Variants in TSPOAP1 observed in about 807,000 individuals in gnomAD.
The protein encoded by TSPOAP1 is TSPO associated protein 1, also known as peripheral-type benzodiazepine receptor-associated protein 1.
TSPOAP1 carries 87 observed loss-of-function variants against 197.0 expected under a neutral mutation model. The observed-to-expected ratio is 0.44, with a 90% CI of 0.37 to 0.53. TSPOAP1 has a LOEUF of 0.53. Among genes scored for constraint, TSPOAP1 ranks in the 20% least tolerant of loss-of-function variants. The pLI is 0.00. For synonymous variants in TSPOAP1, 913 were observed against 998.9 expected (o/e 0.91, Z 1.62); for missense variants, 2,174 against 2,411.3 (o/e 0.90, Z 2.06).
rs114867184 is a variant in TSPOAP1, at chr17:58,311,725, G to A, written c.2930-3C>T. The stretch of plus-strand genomic sequence containing the variant: ...ATCCAGAGGGGCATCAGGTGGGCCT[G>A]GGGGCAGGGGGGCACAAGACCCAGT... On this transcript the variant is annotated splice_polypyrimidine_tract_variant and splice_region_variant and intron_variant, in intron 17 of 31. Transcript: ENST00000343736. 1.6e-3 allele frequency: 2,417 copies of A among 1,556,318 alleles called. 20 individuals are homozygous for A. The African/African-American group carries it at 0.025, about 16-fold the overall frequency.
rs1406780777 is a variant in TSPOAP1 at position 58,310,817 on chromosome 17, C to T, written c.3459+19G>A. 6.3e-7 allele frequency: 1 copy of T among 1,576,436 alleles called. No homozygotes were observed. The highest frequency in any genetic ancestry group is 8.6e-7 in the Non-Finnish European group (1 of 1,158,558). On this transcript the variant is annotated intron_variant, in intron 19 of 31. Coordinates refer to ENST00000343736, the MANE Select transcript of TSPOAP1 (RefSeq NM_004758.4). ...CCTCTGCCAGCCTGCACCTGCTCCC[C>T]TCTCCCCAGACAGGGTACCTGGGAG...
intron 4 of TSPOAP1, 51 bp from the exon 5 acceptor site, chr17:58,325,053 C>A (rs1305867350): frequency 2.1e-6 from 3 of 1,434,462 alleles, no homozygotes; most frequent in Non-Finnish European, 9.3e-7. Context: ...AATCCTTGCC[C>A]GCCCCATGCC....
intron 24 of TSPOAP1, chr17:58,307,309 A>C: frequency 1.9e-6 from 1 of 530,812 alleles, no homozygotes; most frequent in Non-Finnish European, 3.4e-6. Flanking sequence ...TGTGCTGCCT[A>C]TGTCTCAGGC....
chr17:58,319,572 G>A (rs1056346770), intron 12 of TSPOAP1, among the ~76,000 whole-genome samples: 3 of 152,226 alleles, frequency 2.0e-5, no homozygotes, highest in African/African-American at 7.2e-5. Context: ...CCTAGGCGAT[G>A]GCACCTCTGC....
chr17:58,321,686 A>G (rs1397879641), intron 10 of TSPOAP1, among the ~76,000 whole-genome samples: 2 of 151,952 alleles, frequency 1.3e-5, no homozygotes, highest in African/African-American at 4.8e-5. Context: ...CCAGACAGCC[A>G]CCATCTCCCT....
intron 16 of TSPOAP1, 79 bp downstream of exon 16, chr17:58,315,944 G>A (rs1342900026): frequency 1.9e-6 from 2 of 1,042,626 alleles, no homozygotes; most frequent in East Asian, 4.9e-5. Context: ...TGGATGGATG[G>A]ATGGATGGAT....
In TSPOAP1 at chr17:58,326,204, C is replaced by T; in HGVS notation, c.570+89G>A. ...CCTAGGTGCTGAGCTGAGACCGTGA[C>T]TCCCAAGCTTCAGACAGCCCTCAGG... On this transcript the variant is annotated intron_variant, in intron 3 of 31. Coordinates refer to ENST00000343736, the MANE Select transcript of TSPOAP1 (RefSeq NM_004758.4). This position sits in a 1 kb window ranked among gnomAD's most constrained non-coding sequence, Gnocchi z 4.7. The T allele has an allele frequency of 6.4e-7, 1 of 1,563,404 alleles. No homozygotes were observed. Among genetic ancestry groups the T allele is most frequent in the Non-Finnish European group, 8.7e-7 (1 of 1,155,530 alleles).
Position 58,325,817 on chromosome 17 carries a change from G to A in TSPOAP1, c.571-104C>T, listed in dbSNP as rs1468391131. The A allele has an allele frequency of 4.0e-6, 5 of 1,258,716 alleles. No individual in the cohort carries two copies. The East Asian group carries it at 9.8e-5, about 25-fold the overall frequency. 78.0% of individuals were successfully genotyped at this position (1,258,716 alleles called of 1,614,324 possible). A position where few individuals can be genotyped will look rare whatever the true frequency, so the allele number is the denominator to read the frequency against. On this transcript the variant is annotated intron_variant, in intron 3 of 31. Coordinates refer to ENST00000343736, the MANE Select transcript of TSPOAP1 (RefSeq NM_004758.4). ...GGAGTTAGCATGAAAACCTAGGGGGGTAGCCACCTGCTTCCACCTTGACTG... is the reference window on the plus strand; with the variant it reads ...GGAGTTAGCATGAAAACCTAGGGGGATAGCCACCTGCTTCCACCTTGACTG...
At position 58,304,737 on chromosome 17, in the gene TSPOAP1, TTTGA is replaced by T. The variant is rs1434788258; in HGVS notation, c.5544+320_5544+323del. ...GGTGGGAGTGTCCTGAAACAGGGAC[TTTGA>T]TTGGCCACAGGTGTGAGGCAGAGGG... is the stretch of plus-strand genomic sequence containing the variant. On this transcript the variant is annotated intron_variant, in intron 30 of 31. Transcript: ENST00000343736. This position sits in a 1 kb window ranked among gnomAD's most constrained non-coding sequence, Gnocchi z 4.2. 3.5e-6 allele frequency: 2 copies of T among 567,010 alleles called. No homozygotes were observed. Among genetic ancestry groups the T allele is most frequent in the Non-Finnish European group, 6.4e-6 (2 of 313,248 alleles). The allele number at this position is 567,010 out of a possible 1,614,324, so 35.1% of individuals were successfully genotyped here. A position where few individuals can be genotyped will look rare whatever the true frequency, so the allele number is the denominator to read the frequency against.
Position 58,323,057 on chromosome 17 carries a change from C to G in TSPOAP1, c.1105-18G>C, listed in dbSNP as rs778913872. The G allele has an allele frequency of 4.4e-6, 7 of 1,597,534 alleles. No individual in the cohort carries two copies. The African/African-American group carries it at 5.4e-5, about 12-fold the overall frequency. On this transcript the variant is annotated intron_variant, in intron 7 of 31. Coordinates refer to ENST00000343736, the MANE Select transcript of TSPOAP1 (RefSeq NM_004758.4). ...TGCAGTTCCTGAGCGGGCAGAGGAG[C>G]TCTCAGGAGGGAGCCCAGCACCCAC...
In TSPOAP1 at chr17:58,306,371, G is replaced by T; in HGVS notation, c.5195C>A (p.Pro1732His). ...CTTGGAGCGGCGGGGCTTGGGAGGA[G>T]GCCCAGTTGTGTGGGCTGTGGAGTA... is the stretch of plus-strand genomic sequence containing the variant. ...FVYSTAHTTG[P>H]PPKPRRSKKA... Residue 1732 changes from proline (P) to histidine (H), a missense_variant, in exon 26 of 32, where the codon CCT (proline) becomes CAT (histidine). Physicochemically the swap from Pro to His is moderately conservative, Grantham distance 77. This residue lies in a region of TSPOAP1 where 161 missense variants were observed against 159.1 expected (regional missense o/e 1.01). Transcript: ENST00000343736. The T allele has an allele frequency of 6.4e-7, 1 of 1,554,798 alleles. No individual in the cohort carries two copies.
rs1265199831 is a variant in TSPOAP1 at position 58,322,923 on chromosome 17, TC to T, written c.1194+26del. 1 of 1,605,626 alleles carries T rather than the reference TC, an allele frequency of 6.2e-7. No individual in the cohort carries two copies. The highest frequency in any genetic ancestry group is 1.3e-5 in the African/African-American group (1 of 74,698). ...CGGGGCAGTGGTGGGAGCACAGGTC[TC>T]CACAGCACCTGGGCGGAAGTGGTAC... On this transcript the variant is annotated intron_variant, in intron 8 of 31. Transcript: ENST00000343736. This position sits in a 1 kb window ranked among gnomAD's most constrained non-coding sequence, Gnocchi z 5.0.
Position 58,312,296 on chromosome 17 carries a change from T to G in TSPOAP1, c.2525A>C (p.Lys842Thr), listed in dbSNP as rs1409895897. The change falls in exon 17 of 32, where the codon AAG (lysine) becomes ACG (threonine). Residue 842 changes from lysine to threonine, a missense_variant. By Grantham distance (78) the Lys-to-Thr change is moderately conservative. Coordinates refer to ENST00000343736, the MANE Select transcript of TSPOAP1 (RefSeq NM_004758.4). The part of the protein sequence containing the change: ...RQALGPGAPP[K>T]AVLENLDLWA... ...CAGGTCCAGGTTCTCCAGCACGGCCTTGGGTGGCGCCCCAGGCCCCAGGGC... is the reference window on the plus strand; with the variant it reads ...CAGGTCCAGGTTCTCCAGCACGGCCGTGGGTGGCGCCCCAGGCCCCAGGGC... 1 of 1,612,782 alleles carries G rather than the reference T, an allele frequency of 6.2e-7. No homozygotes were observed.
chr17:58,317,721 G>GTAA (rs1344246789), intron 14 of TSPOAP1, among the ~76,000 whole-genome samples: 1 of 152,214 alleles, frequency 6.6e-6, no homozygotes, highest in African/African-American at 2.4e-5. Context: ...CAGGAGCTTA[G>GTAA]TAATAATAAC....
chr17:58,311,260 C>T (rs911418102), intron 18 of TSPOAP1, 47 bp from the exon 19 acceptor site: 3 of 1,593,424 alleles, frequency 1.9e-6, no homozygotes, highest in Non-Finnish European at 1.7e-6. Context: ...GCTGAGACAG[C>T]CAAGCGTGAG....
chr17:58,306,484 C>T, intron 25 of TSPOAP1, 71 bp from the exon 26 acceptor site: 3 of 1,362,204 alleles, frequency 2.2e-6, no homozygotes, highest in Non-Finnish European at 2.0e-6. Flanking sequence ...TCTGGAGTTT[C>T]CTCTCAGGGC....
At position 58,327,741 on chromosome 17, in the gene TSPOAP1, A is replaced by G. The variant is rs777215938; in HGVS notation, c.180T>C (p.Ser60=). 33 of 1,613,492 alleles carry G rather than the reference A, an allele frequency of 2.0e-5. 1 individual carries two copies. The East Asian group carries it at 7.4e-4, about 36-fold the overall frequency. ...AGCTCCCGTCTCCTTTGGGCTTGGA[A>G]CTCTCCTCAGACCTCAGTTCTTGAA... ...LQLQELRSEE[S]SKPKGDGSSR... is the part of the protein sequence containing the mutation. The change falls in exon 1 of 32, where the codon AGT becomes AGC. Residue 60 remains serine, a synonymous_variant. Coordinates refer to ENST00000343736, the MANE Select transcript of TSPOAP1 (RefSeq NM_004758.4).
In TSPOAP1 at chr17:58,304,982, C is replaced by T. The variant is rs536903691; in HGVS notation, c.5544+79G>A. 9.9e-6 allele frequency: 11 copies of T among 1,108,250 alleles called. No homozygotes were observed. The highest frequency in any genetic ancestry group is 2.5e-5 in the South Asian group (2 of 80,814). The allele number at this position is 1,108,250 out of a possible 1,614,324, so 68.7% of individuals were successfully genotyped here. A position where few individuals can be genotyped will look rare whatever the true frequency, so the allele number is the denominator to read the frequency against. On this transcript the variant is annotated intron_variant, in intron 30 of 31. Transcript: ENST00000343736. The surrounding 1 kb of genome is among the most constrained non-coding windows in gnomAD (Gnocchi z 4.2). ...ATGACCACCCCAGCTGCACCCCTGC[C>T]GCAACACTGCCCTGGCCCTACCACC...
At chr17:58,310,261 G>T in intron 20 of TSPOAP1, 103 bp from the exon 21 acceptor site, 1 of 1,270,552 alleles carries the variant, frequency 7.9e-7, no homozygotes. Context: ...TCCTTTGGCA[G>T]AGGGAGAAAG....
Sources: allele counts gnomAD v4.1 joint callset (sites outside exome capture counted in the v4.1 genomes callset), GRCh38; gene constraint gnomAD v4.1.1; regional missense constraint gnomAD v4.1.1; non-coding constraint Gnocchi (gnomAD v3.1); transcripts MANE v1.5; gene names NCBI Gene and HGNC (gene_info 2026-07-23, HGNC 2026-07-21).